CACNA1E: variants seen among roughly 807,000 people sequenced by gnomAD.
The protein encoded by CACNA1E is voltage-dependent R-type calcium channel subunit alpha-1E.
CACNA1E carries 40 observed loss-of-function variants against 259.2 expected under a neutral mutation model. The observed-to-expected ratio is 0.15, with a 90% CI of 0.12 to 0.20. The LOEUF (loss-of-function observed/expected upper bound fraction) is 0.20. Ranked by LOEUF, CACNA1E falls within the 10% of genes least tolerant of loss-of-function variation. CACNA1E has a pLI of 1.00. For synonymous variants in CACNA1E, 1,104 were observed against 1,138.5 expected (o/e 0.97, Z 0.61); for missense variants, 1,874 against 3,040.1 (o/e 0.62, Z 9.02).
intron 3 of CACNA1E, among the ~76,000 whole-genome samples, chr1:181,568,682 A>G (rs960661982): frequency 2.6e-5 from 4 of 152,024 alleles, no homozygotes; most frequent in African/African-American, 4.8e-5. Context: ...TGCAGCCTCT[A>G]TCTCCTGGGG....
chr1:181,685,898 C>G (rs548777241), intron 7 of CACNA1E, among the ~76,000 whole-genome samples: 1 of 152,188 alleles, frequency 6.6e-6, no homozygotes, highest in Non-Finnish European at 1.5e-5. Context: ...TCCTAGTTCT[C>G]TAAGTTTTAC....
chr1:181,593,134 G>A (rs763338497), intron 6 of CACNA1E, among the ~76,000 whole-genome samples: 2 of 152,174 alleles, frequency 1.3e-5, no homozygotes, highest in Non-Finnish European at 2.9e-5. Context: ...AAAAGTATAC[G>A]AAAGTGCTTT....
intron 1 of CACNA1E, chr1:181,318,180 G>T (rs1465952895): frequency 6.6e-6 from 1 of 152,142 alleles, no homozygotes; most frequent in Non-Finnish European, 1.5e-5. Context: ...CGCATGCACT[G>T]CCTGCGGGGC....
intron 22 of CACNA1E, 101 bp downstream of exon 22, chr1:181,736,535 T>C: frequency 9.1e-7 from 1 of 1,103,160 alleles, no homozygotes; most frequent in African/African-American, 1.6e-5. Flanking sequence ...GGCCCAGCCA[T>C]CTTCTTAAGC....
chr1:181,717,068 A>G, intron 10 of CACNA1E, 25 bp from the exon 11 acceptor site: 1 of 1,604,176 alleles, frequency 6.2e-7, no homozygotes. Flanking sequence ...TTGCAGTCTC[A>G]TTCTTCCTTA....
intron 3 of CACNA1E, among the ~76,000 whole-genome samples, chr1:181,513,282 T>C (rs886327993): frequency 1.3e-5 from 2 of 152,366 alleles, no homozygotes; most frequent in African/African-American, 4.8e-5. Context: ...AGGCCTTCGA[T>C]GCTAAGCAAG....
chr1:181,447,753 G>A (rs1341622145), intron 2 of CACNA1E, among the ~76,000 whole-genome samples: 1 of 152,162 alleles, frequency 6.6e-6, no homozygotes, highest in Non-Finnish European at 1.5e-5. Flanking sequence ...CAGGGAGAAC[G>A]TATTTCCTGC....
intron 6 of CACNA1E, among the ~76,000 whole-genome samples, chr1:181,627,514 T>A (rs1656311904): frequency 6.6e-6 from 1 of 152,116 alleles, no homozygotes; most frequent in Non-Finnish European, 1.5e-5. Context: ...TGTCATGGTG[T>A]CTAACTAGTG....
intron 2 of CACNA1E, among the ~76,000 whole-genome samples, chr1:181,418,486 C>T (rs1042766690): frequency 6.6e-6 from 1 of 152,160 alleles, no homozygotes; most frequent in African/African-American, 2.4e-5. Flanking sequence ...TGGTTAGCAT[C>T]GTATACTGCT....
intron 2 of CACNA1E, among the ~76,000 whole-genome samples, chr1:181,448,681 G>C (rs1287045975): frequency 6.6e-6 from 1 of 152,234 alleles, no homozygotes; most frequent in Non-Finnish European, 1.5e-5. Context: ...AGAGATAACT[G>C]ATAAAGTGAA....
At chr1:181,401,802 T>C (rs1487262840) in intron 1 of CACNA1E, among the ~76,000 whole-genome samples, 2 of 152,168 alleles carry the variant, frequency 1.3e-5, no homozygotes, top group East Asian at 1.9e-4. Flanking sequence ...CTTTGAAGCA[T>C]TGGATCTTTC....
chr1:181,609,293 G>T (rs1188535757), intron 6 of CACNA1E, among the ~76,000 whole-genome samples: 2 of 152,218 alleles, frequency 1.3e-5, no homozygotes, highest in Non-Finnish European at 2.9e-5. Flanking sequence ...GGGAAGGCGG[G>T]CCCTAGACAA....
chr1:181,490,398 TC>T (rs1392332198), intron 1 of CACNA1E, among the ~76,000 whole-genome samples: 5 of 148,154 alleles, frequency 3.4e-5, no homozygotes, highest in Non-Finnish European at 7.4e-5. Context: ...AAAAGGAGCC[TC>T]AAATAGACCC....
intron 3 of CACNA1E, among the ~76,000 whole-genome samples, chr1:181,524,536 T>C (rs1667215172): frequency 6.6e-6 from 1 of 152,236 alleles, no homozygotes. Flanking sequence ...GTAGGTTCTC[T>C]CTTGCTCCTT....
chr1:181,500,596 C>G (rs2102560987), intron 1 of CACNA1E, among the ~76,000 whole-genome samples: 1 of 152,368 alleles, frequency 6.6e-6, no homozygotes, highest in Middle Eastern at 3.4e-3. Flanking sequence ...CGGATGGGTA[C>G]TCTGCACATT....
At chr1:181,372,612 T>C (rs1379409933) in intron 1 of CACNA1E, among the ~76,000 whole-genome samples, 3 of 152,120 alleles carry the variant, frequency 2.0e-5, no homozygotes. Flanking sequence ...CCGATTGCTA[T>C]GGCTAGGATT....
At chr1:181,795,616 A>G (rs1166980451) in intron 46 of CACNA1E, among the ~76,000 whole-genome samples, 2 of 151,278 alleles carry the variant, frequency 1.3e-5, no homozygotes, top group Non-Finnish European at 3.0e-5. Flanking sequence ...AATTTTTTGT[A>G]TTTTTAGTAG....
chr1:181,473,127 G>C (rs552533450), intron 2 of CACNA1E, among the ~76,000 whole-genome samples: 169 of 152,304 alleles, frequency 1.1e-3, no homozygotes, highest in African/African-American at 2.4e-3. Context: ...CATAGTATTT[G>C]TATCGCCGGT....
intron 7 of CACNA1E, among the ~76,000 whole-genome samples, chr1:181,695,210 CATTGCTGAAGTAAATTAGTCTTTTGAA>C (rs1188119225): frequency 6.6e-6 from 1 of 152,120 alleles, no homozygotes; most frequent in Non-Finnish European, 1.5e-5. Context: ...AACTACAGAA[CATTGCTGAAGTAAATTAGTCTTTTGAA>C]AAATGGAGAG....
Sources: gnomAD v4.1 joint callset for allele counts (sites outside exome capture counted in the v4.1 genomes callset) on GRCh38, gnomAD v4.1.1 for gene constraint, MANE v1.5 for transcripts, NCBI Gene and HGNC (gene_info 2026-07-23, HGNC 2026-07-21) for gene names.